The following RSU1 variants were observed in gnomAD, a reference collection of about 807,000 sequenced individuals.
RSU1 encodes rsu-1.
RSU1 carries 26 observed loss-of-function variants against 31.1 expected under a neutral mutation model. The observed-to-expected ratio is 0.84, with a 90% confidence interval of 0.61 to 1.16. The LOEUF (loss-of-function observed/expected upper bound fraction) is 1.16, where lower values mean the gene tolerates loss of function less well. Ranked by LOEUF, RSU1 falls within the 50% of genes most tolerant of loss-of-function variation. RSU1 has a pLI of 0.00. For synonymous variants in RSU1, 164 were observed against 136.3 expected (o/e 1.20, Z -1.41); for missense variants, 320 against 339.1 (o/e 0.94, Z 0.44).
intron 8 of RSU1, among the ~76,000 whole-genome samples, chr10:16,604,982 G>C (rs1419226464): frequency 6.6e-6 from 1 of 152,232 alleles, no homozygotes; most frequent in Admixed American, 6.5e-5. Context: ...TGTGGCGAGA[G>C]AGCCTGCTTG....
intron 2 of RSU1, among the ~76,000 whole-genome samples, chr10:16,788,338 T>C (rs755965527): frequency 6.6e-6 from 1 of 152,170 alleles, no homozygotes; most frequent in Non-Finnish European, 1.5e-5. Flanking sequence ...AAAATTCATA[T>C]ACGGAAGCCC....
At chr10:16,671,262 C>T (rs115269615) in intron 8 of RSU1, among the ~76,000 whole-genome samples, 5 of 152,072 alleles carry the variant, frequency 3.3e-5, no homozygotes, top group African/African-American at 9.6e-5. Flanking sequence ...AGGCTAGTCT[C>T]GGAACTCCTG....
At chr10:16,623,385 G>T (rs1398318755) in intron 8 of RSU1, among the ~76,000 whole-genome samples, 1 of 152,154 alleles carries the variant, frequency 6.6e-6, no homozygotes, top group African/African-American at 2.4e-5. Context: ...TGGCTGTGTA[G>T]TATTCAGTGG....
intron 2 of RSU1, among the ~76,000 whole-genome samples, chr10:16,785,449 T>TACATATATATATAC (rs1564357295): frequency 7.2e-6 from 1 of 139,458 alleles, no homozygotes; most frequent in African/African-American, 2.9e-5. Context: ...TACACATATA[T>TACATATATATATAC]ACATATATAC....
intron 7 of RSU1, among the ~76,000 whole-genome samples, chr10:16,705,503 T>C (rs940235686): frequency 6.6e-6 from 1 of 152,164 alleles, no homozygotes; most frequent in African/African-American, 2.4e-5. Context: ...TTTATTTATT[T>C]TTTTGAGACA....
intron 3 of RSU1, 49 bp downstream of exon 3, chr10:16,781,985 A>G (rs1366939291): frequency 6.6e-7 from 1 of 1,504,430 alleles, no homozygotes; most frequent in Non-Finnish European, 9.2e-7. Context: ...GCAGTGCCAT[A>G]GGATTACCTA....
chr10:16,593,756 G>A lies in RSU1; in HGVS notation c.732-260C>T, dbSNP rs139327466. Reference sequence around the variant, plus strand: ...TCACTGGGAGAAGTGGTCAGGCCCTGCTCAGCCGTTCTGGACTGAAGTTCA... The same window carrying A: ...TCACTGGGAGAAGTGGTCAGGCCCTACTCAGCCGTTCTGGACTGAAGTTCA... On this transcript the variant is annotated intron_variant, in intron 8 of 8. Coordinates refer to ENST00000345264, the MANE Select transcript of RSU1 (RefSeq NM_012425.4). Among the ~76,000 whole-genome samples, 791 of 152,346 alleles carry A rather than the reference G, an allele frequency of 5.2e-3. 9 individuals carry two copies. The highest frequency in any genetic ancestry group is 0.018 in the African/African-American group (760 of 41,580).
intron 7 of RSU1, among the ~76,000 whole-genome samples, chr10:16,719,744 G>A (rs1359803893): frequency 1.3e-5 from 2 of 152,188 alleles, no homozygotes; most frequent in East Asian, 1.9e-4. Context: ...AGCTCTGTCT[G>A]CATCAATGGC....
intron 8 of RSU1, among the ~76,000 whole-genome samples, chr10:16,681,195 C>G (rs1835322766): frequency 1.3e-5 from 2 of 152,128 alleles, no homozygotes; most frequent in South Asian, 4.2e-4. Context: ...CAAAAAGCAC[C>G]ATCTTAAATG....
At chr10:16,768,395 T>C (rs1837360079) in intron 3 of RSU1, among the ~76,000 whole-genome samples, 1 of 152,232 alleles carries the variant, frequency 6.6e-6, no homozygotes, top group Non-Finnish European at 1.5e-5. Flanking sequence ...CATGTAGAAC[T>C]TCGCTTCTGA....
chr10:16,731,636 T>C (rs1052876670), intron 7 of RSU1, among the ~76,000 whole-genome samples: 11 of 152,152 alleles, frequency 7.2e-5, no homozygotes, highest in African/African-American at 2.4e-4. Flanking sequence ...AAAATGTCTA[T>C]TGCACCAAAC....
chr10:16,610,227 A>G (rs995128456), intron 8 of RSU1, among the ~76,000 whole-genome samples: 2 of 152,210 alleles, frequency 1.3e-5, no homozygotes, highest in African/African-American at 4.8e-5. Flanking sequence ...GACAAGCTAC[A>G]GTTCAACAGC....
At chr10:16,773,819 G>A (rs1366662281) in intron 3 of RSU1, among the ~76,000 whole-genome samples, 1 of 152,104 alleles carries the variant, frequency 6.6e-6, no homozygotes, top group South Asian at 2.1e-4. Flanking sequence ...AGAAAGATGA[G>A]CATTCATCTC....
chr10:16,673,461 A>G (rs1182199067), intron 8 of RSU1, among the ~76,000 whole-genome samples: 1 of 149,576 alleles, frequency 6.7e-6, no homozygotes, highest in East Asian at 1.9e-4. Flanking sequence ...TTAATTAACA[A>G]TGGGAATTTG....
intron 4 of RSU1, among the ~76,000 whole-genome samples, chr10:16,756,584 T>G (rs949384538): frequency 5.9e-5 from 9 of 152,242 alleles, no homozygotes; most frequent in African/African-American, 2.2e-4. Context: ...AACATTTTCT[T>G]TTCTCTAGCT....
intron 4 of RSU1, among the ~76,000 whole-genome samples, chr10:16,760,486 G>A (rs1308648542): frequency 6.8e-6 from 1 of 147,572 alleles, no homozygotes; most frequent in Non-Finnish European, 1.5e-5. Context: ...TGGAGCCTGG[G>A]CAACAAGAAA....
At chr10:16,686,127 T>C (rs1299144321) in intron 8 of RSU1, among the ~76,000 whole-genome samples, 3 of 151,980 alleles carry the variant, frequency 2.0e-5, no homozygotes, top group African/African-American at 7.3e-5. Flanking sequence ...AATTAAAAAT[T>C]TAAAAAACCC....
chr10:16,759,383 T>C (rs1173898254), intron 4 of RSU1, among the ~76,000 whole-genome samples: 1 of 151,666 alleles, frequency 6.6e-6, no homozygotes, highest in East Asian at 1.9e-4. Flanking sequence ...GGTGCGTACC[T>C]GTGGTCCCAG....
intron 4 of RSU1, 70 bp downstream of exon 4, chr10:16,764,319 TC>T: frequency 1.4e-6 from 2 of 1,433,310 alleles, no homozygotes; most frequent in Admixed American, 2.5e-5. Context: ...AAGGAATCCC[TC>T]CCCTGGCCTT....
Sources: allele counts gnomAD v4.1 joint callset (sites outside exome capture counted in the v4.1 genomes callset), GRCh38; gene constraint gnomAD v4.1.1; transcripts MANE v1.5; gene names NCBI Gene and HGNC (gene_info 2026-07-23, HGNC 2026-07-21).